OR1L8: variants seen among roughly 807,000 people sequenced by gnomAD.
The protein encoded by OR1L8 is olfactory receptor 1L8.
For synonymous variants in OR1L8, 148 were observed against 147.0 expected, an observed-to-expected ratio of 1.01 and a Z score of -0.05; for missense variants, 330 against 377.4, an observed-to-expected ratio of 0.87 and a Z score of 1.04.
At chr9:122,547,764 G>T in the OR1L8 span, among the ~76,000 whole-genome samples, 1 of 151,962 alleles carries the variant, frequency 6.6e-6, no homozygotes, top group Non-Finnish European at 1.5e-5. Flanking sequence ...TACAGGTGCA[G>T]GTATCTTTTT....
chr9:122,579,946 CAATTAGG>C (rs1222969608), intron 1 of OR1L8, among the ~76,000 whole-genome samples: 1 of 152,044 alleles, frequency 6.6e-6, no homozygotes, highest in East Asian at 1.9e-4. Flanking sequence ...TTCTCTTACC[CAATTAGG>C]AAGGAGGAGA....
chr9:122,553,382 C>T, the OR1L8 span: 38 of 1,614,112 alleles, frequency 2.4e-5, no homozygotes, highest in Non-Finnish European at 4.2e-6. Flanking sequence ...CTGACCCACA[C>T]CTCCATACTC....
chr9:122,567,729 G>T lies in OR1L8; in HGVS notation c.749C>A (p.Thr250Lys). The change falls in exon 5 of 5, where the codon ACG becomes AAG. Residue 250 changes from threonine to lysine, a missense_variant. Thr to Lys is a moderately conservative substitution (Grantham distance 78). Transcript: ENST00000641027. The stretch of plus-strand genomic sequence containing the variant: ...ACAGAAGATGCTTCCATAAAAGAGC[G>T]TCACCACGGTGAGGTAAAAACCACA... ...STCGFYLTVVTLFYGSIFCVY... is the reference protein window; with the variant it reads ...STCGFYLTVVKLFYGSIFCVY... 2.5e-6 allele frequency: 4 copies of T among 1,614,030 alleles called. No individual in the cohort carries two copies. The highest frequency in any genetic ancestry group is 3.4e-6 in the Non-Finnish European group (4 of 1,179,978).
chr9:122,556,623 A>G, the OR1L8 span, among the ~76,000 whole-genome samples: 1 of 152,154 alleles, frequency 6.6e-6, no homozygotes, highest in Non-Finnish European at 1.5e-5. Flanking sequence ...ACCATGGCAC[A>G]TGTATACCTA....
At chr9:122,571,731 T>A (rs1298869078) in intron 4 of OR1L8, among the ~76,000 whole-genome samples, 1 of 136,564 alleles carries the variant, frequency 7.3e-6, no homozygotes. Context: ...AAAAAAAAAA[T>A]TGACCATGCA....
chr9:122,582,274 C>T (rs1012876563), intron 1 of OR1L8, among the ~76,000 whole-genome samples: 4 of 152,114 alleles, frequency 2.6e-5, no homozygotes, highest in Non-Finnish European at 4.4e-5. Context: ...ACTCAAACTG[C>T]ATCCATGGCT....
intron 4 of OR1L8, among the ~76,000 whole-genome samples, chr9:122,571,032 C>T (rs927844480): frequency 7.9e-5 from 12 of 152,188 alleles, no homozygotes; most frequent in Admixed American, 6.5e-5. Flanking sequence ...TAAAGCTATA[C>T]ATATCTTACA....
At chr9:122,562,773 C>A (rs1829373469), downstream of OR1L8, among the ~76,000 whole-genome samples, 2 of 152,084 alleles carry the variant, frequency 1.3e-5, no homozygotes, top group South Asian at 4.2e-4. Flanking sequence ...GGGTATTGGT[C>A]CTTCTGTGCC....
At chr9:122,581,570 G>A (rs1829738407) in intron 1 of OR1L8, among the ~76,000 whole-genome samples, 1 of 152,042 alleles carries the variant, frequency 6.6e-6, no homozygotes, top group African/African-American at 2.4e-5. Flanking sequence ...CTACTTCCTT[G>A]TAAGAAAAAT....
chr9:122,567,411 T>C lies in OR1L8; in HGVS notation c.*137A>G. The C allele has an allele frequency of 1.6e-6, 1 of 610,568 alleles. No individual in the cohort carries two copies. Among genetic ancestry groups the C allele is most frequent in the Non-Finnish European group, 2.8e-6 (1 of 354,186 alleles). 37.8% of individuals were successfully genotyped at this position (610,568 alleles called of 1,614,324 possible). On this transcript the variant is annotated 3_prime_UTR_variant, in exon 5 of 5. Coordinates refer to ENST00000641027, the MANE Select transcript of OR1L8 (RefSeq NM_001004454.2). The stretch of plus-strand genomic sequence containing the variant: ...ATTGTTGGGTCATCATCAATGGATG[T>C]AAGTGCCCACAATAGCCTTGTCTCA...
intron 3 of OR1L8, among the ~76,000 whole-genome samples, chr9:122,573,918 A>C (rs1829596187): frequency 6.6e-6 from 1 of 152,158 alleles, no homozygotes; most frequent in Non-Finnish European, 1.5e-5. Flanking sequence ...TAATGTTTAT[A>C]AAGGGTGAAT....
At chr9:122,575,821 C>T (rs539442523) in intron 3 of OR1L8, among the ~76,000 whole-genome samples, 1 of 152,290 alleles carries the variant, frequency 6.6e-6, no homozygotes, top group East Asian at 1.9e-4. Flanking sequence ...AACTGGTTCT[C>T]ATGTTGTACA....
chr9:122,550,158 A>T, the OR1L8 span, among the ~76,000 whole-genome samples: 38 of 152,160 alleles, frequency 2.5e-4, no homozygotes, highest in African/African-American at 8.9e-4. Context: ...CCTTGAGGAA[A>T]TGGATAAATT....
At chr9:122,554,877 ACAC>A in the OR1L8 span, among the ~76,000 whole-genome samples, 11 of 152,332 alleles carry the variant, frequency 7.2e-5, no homozygotes, top group South Asian at 2.3e-3. Context: ...TGTACTAACT[ACAC>A]CATCCGTTCT....
chr9:122,580,925 A>C (rs1001388211), intron 1 of OR1L8, among the ~76,000 whole-genome samples: 1 of 152,224 alleles, frequency 6.6e-6, no homozygotes, highest in East Asian at 1.9e-4. Flanking sequence ...ACACCACAGC[A>C]CAGCTACAAT....
chr9:122,553,894 T>C, the OR1L8 span: 5 of 1,614,156 alleles, frequency 3.1e-6, no homozygotes, highest in South Asian at 5.5e-5. Context: ...TTCTGGGCTG[T>C]GTTTGTCATC....
At chr9:122,549,077 T>C in the OR1L8 span, among the ~76,000 whole-genome samples, 2 of 152,038 alleles carry the variant, frequency 1.3e-5, no homozygotes, top group Admixed American at 1.3e-4. Flanking sequence ...ATGTTTGCCC[T>C]CTCCAAACCT....
intron 2 of OR1L8, among the ~76,000 whole-genome samples, chr9:122,577,471 T>A (rs781751176): frequency 8.6e-5 from 13 of 152,032 alleles, no homozygotes; most frequent in Non-Finnish European, 1.6e-4. Context: ...AACACCTCAA[T>A]AATAAAAAAG....
the OR1L8 span, chr9:122,553,585 G>A: frequency 5.6e-6 from 9 of 1,613,786 alleles, no homozygotes; most frequent in Middle Eastern, 1.6e-4. Flanking sequence ...GCATATGACC[G>A]CTATGTGGCC....
Sources: gnomAD v4.1 joint callset for allele counts (sites outside exome capture counted in the v4.1 genomes callset) on GRCh38, gnomAD v4.1.1 for gene constraint, MANE v1.5 for transcripts, NCBI Gene and HGNC (gene_info 2026-07-23, HGNC 2026-07-21) for gene names.